The following MTSS1 variants were observed in gnomAD, a reference collection of about 807,000 sequenced individuals.
MTSS1 encodes protein MTSS 1.
In MTSS1, 18 loss-of-function variants were observed where a neutral mutation model predicts 79.0. That is an observed-to-expected ratio of 0.23 (90% confidence interval 0.16 to 0.34). MTSS1 has a LOEUF of 0.34. MTSS1 is among the 10% of genes least tolerant of loss of function. The pLI is 1.00. For missense variants in MTSS1, 815 were observed against 986.2 expected, an observed-to-expected ratio of 0.83 and a Z score of 2.33; for synonymous variants, 341 against 368.6, an observed-to-expected ratio of 0.93 and a Z score of 0.86.
At chr8:124,598,379 C>G (rs1422747154) in intron 3 of MTSS1, among the ~76,000 whole-genome samples, 1 of 152,214 alleles carries the variant, frequency 6.6e-6, no homozygotes, top group African/African-American at 2.4e-5. Context: ...CCTCTACCCA[C>G]TAGATGCCAG....
Position 124,555,659 on chromosome 8 carries a change from G to C in MTSS1, c.1567+83C>G, listed in dbSNP as rs895506024. On this transcript the variant is annotated intron_variant, in intron 13 of 13. Transcript: ENST00000518547. ...TGTTAGTTAGCGAGTGGTGGGTTGT[G>C]GTTAAAATGGACCAGCAGTTTTCTA... is the stretch of plus-strand genomic sequence containing the variant. 5.5e-5 allele frequency: 78 copies of C among 1,416,682 alleles called. 1 individual carries two copies. In the African/African-American group the frequency reaches 1.0e-3, roughly 19 times the overall value. 87.8% of individuals were successfully genotyped at this position (1,416,682 alleles called of 1,614,324 possible).
At chr8:124,701,220 G>A (rs769828945) in intron 2 of MTSS1, among the ~76,000 whole-genome samples, 1 of 152,102 alleles carries the variant, frequency 6.6e-6, no homozygotes, top group African/African-American at 2.4e-5. Flanking sequence ...CTAGGTGACA[G>A]AGCAATACCC....
intron 6 of MTSS1, among the ~76,000 whole-genome samples, chr8:124,572,517 G>A (rs905947842): frequency 1.3e-4 from 20 of 152,002 alleles, no homozygotes; most frequent in Admixed American, 1.2e-3. Context: ...CACTCCCATC[G>A]GCAGTGTTAG....
Position 124,557,787 on chromosome 8 carries a change from G to A in MTSS1, c.1124C>T (p.Ala375Val), listed in dbSNP as rs1271434375. ...GAGLFPHCLP[A>V]SRLLPRVTSV... ...GGTGACCCGAGGGAGCAGGCGGGAG[G>A]CAGGCAGGCAATGAGGGAAAAGGCC... The change falls in exon 11 of 14, where the codon GCC becomes GTC. Residue 375 changes from alanine (A) to valine (V), a missense_variant. Physicochemically the swap from Ala to Val is moderately conservative, Grantham distance 64 (BLOSUM62 0). This residue lies in a region of MTSS1 where 590 missense variants were observed against 620.8 expected (regional missense o/e 0.95). Transcript: ENST00000518547. The A allele has an allele frequency of 6.2e-7, 1 of 1,606,096 alleles. No individual in the cohort carries two copies. The highest frequency in any genetic ancestry group is 1.1e-5 in the South Asian group (1 of 89,274).
chr8:124,612,063 T>C (rs904451994), intron 3 of MTSS1, among the ~76,000 whole-genome samples: 3 of 151,638 alleles, frequency 2.0e-5, no homozygotes, highest in African/African-American at 7.3e-5. Context: ...ATAATCTTAA[T>C]GGTACTTAAT....
intron 3 of MTSS1, among the ~76,000 whole-genome samples, chr8:124,609,862 G>A (rs1016981234): frequency 5.9e-5 from 9 of 152,160 alleles, no homozygotes; most frequent in Non-Finnish European, 1.3e-4. Context: ...AGGTACTCCT[G>A]ACATTTTGGC....
rs1822404179 is a variant in MTSS1 at position 124,550,834 on chromosome 8, A to T, written c.*2158T>A. 6.6e-6 allele frequency: 1 copy of T among 152,656 alleles called. No homozygotes were observed. Among genetic ancestry groups the T allele is most frequent in the Non-Finnish European group, 1.5e-5 (1 of 68,040 alleles). 9.5% of individuals were successfully genotyped at this position (152,656 alleles called of 1,614,324 possible). Reference sequence around the variant, plus strand: ...TATAACGTAGGCTGAAGCAATTGTTACAATGTAGGAGGGAGACACATTACA... The same window carrying T: ...TATAACGTAGGCTGAAGCAATTGTTTCAATGTAGGAGGGAGACACATTACA... On this transcript the variant is annotated 3_prime_UTR_variant, in exon 14 of 14. Coordinates refer to ENST00000518547, the MANE Select transcript of MTSS1 (RefSeq NM_014751.6).
intron 3 of MTSS1, among the ~76,000 whole-genome samples, chr8:124,615,239 TG>T (rs1017609902): frequency 6.6e-5 from 10 of 151,992 alleles, no homozygotes; most frequent in Non-Finnish European, 1.2e-4. Context: ...AAAGCCATGC[TG>T]GGGGGTAGGC....
intron 3 of MTSS1, among the ~76,000 whole-genome samples, chr8:124,623,283 T>C (rs1008347513): frequency 6.6e-6 from 1 of 152,266 alleles, no homozygotes; most frequent in African/African-American, 2.4e-5. Context: ...TGTGCTCATA[T>C]GTCTATAGTG....
chr8:124,653,067 C>A (rs1424110528), intron 3 of MTSS1, among the ~76,000 whole-genome samples: 1 of 152,238 alleles, frequency 6.6e-6, no homozygotes, highest in African/African-American at 2.4e-5. Flanking sequence ...AACATATTCA[C>A]TTCCGTGGCC....
chr8:124,596,267 C>T (rs147420275), intron 3 of MTSS1, among the ~76,000 whole-genome samples: 1 of 152,344 alleles, frequency 6.6e-6, no homozygotes, highest in Non-Finnish European at 1.5e-5. Context: ...TCTCATGCTT[C>T]TTCCCAGAAC....
At chr8:124,567,421 G>C (rs1826741383) in intron 7 of MTSS1, among the ~76,000 whole-genome samples, 2 of 152,232 alleles carry the variant, frequency 1.3e-5, no homozygotes, top group Non-Finnish European at 2.9e-5. Context: ...GAACACACAG[G>C]CCTCCCTCCC....
chr8:124,714,463 T>G (rs915764820), intron 1 of MTSS1, among the ~76,000 whole-genome samples: 2 of 152,030 alleles, frequency 1.3e-5, no homozygotes, highest in African/African-American at 4.8e-5. Flanking sequence ...CAGTTGTTTT[T>G]GTTTTTGTTT....
chr8:124,630,486 C>A (rs1007882676), intron 3 of MTSS1, among the ~76,000 whole-genome samples: 2 of 152,228 alleles, frequency 1.3e-5, no homozygotes, highest in Non-Finnish European at 2.9e-5. Flanking sequence ...GGGCCAGCAG[C>A]AAGATCATGG....
chr8:124,553,639 CCTG>C lies in MTSS1; in HGVS notation c.1618_1620del (p.Gln540del), dbSNP rs1269918732. 6.2e-7 allele frequency: 1 copy of C among 1,614,140 alleles called. No homozygotes were observed. The highest frequency in any genetic ancestry group is 8.5e-7 in the Non-Finnish European group (1 of 1,180,010). On this transcript the variant is annotated inframe_deletion, in exon 14 of 14. Coordinates refer to ENST00000518547, the MANE Select transcript of MTSS1 (RefSeq NM_014751.6). The surrounding 1 kb of genome is among the most constrained non-coding windows in gnomAD (Gnocchi z 6.0). ...GGAATGGTGGAGGACTTGTCGAACT[CCTG>C]CTGATCTGCCTCCTGGTCACCACTT...
At chr8:124,656,787 A>G (rs990694198) in intron 3 of MTSS1, among the ~76,000 whole-genome samples, 7 of 150,778 alleles carry the variant, frequency 4.6e-5, no homozygotes, top group Non-Finnish European at 1.5e-5. Context: ...ATCTCAAAAA[A>G]AAAAAAAAAA....
At chr8:124,610,953 T>C (rs1481448422) in intron 3 of MTSS1, among the ~76,000 whole-genome samples, 4 of 152,244 alleles carry the variant, frequency 2.6e-5, no homozygotes, top group Non-Finnish European at 5.9e-5. Context: ...GTCACTGTTA[T>C]GCTACATGGA....
rs781708481 is a variant in MTSS1 at position 124,597,437 on chromosome 8, TG to T, written c.209-6203del. ...GAATACAAATTGTTTAATGCATATT[TG>T]GGGGGGTAGGGAGGAAATAAGAAAA... On this transcript the variant is annotated intron_variant, in intron 3 of 13. Transcript: ENST00000518547. This position sits in a 1 kb window ranked among gnomAD's most constrained non-coding sequence, Gnocchi z 4.6. Among the ~76,000 whole-genome samples, 7 of 152,120 alleles carry T rather than the reference TG, an allele frequency of 4.6e-5. No individual in the cohort carries two copies. Among genetic ancestry groups the T allele is most frequent in the African/African-American group, 1.2e-4 (5 of 41,420 alleles).
At chr8:124,605,963 ATTTT>A (rs35985246) in intron 3 of MTSS1, among the ~76,000 whole-genome samples, 4,544 of 106,006 alleles carry the variant, frequency 0.043, 72 homozygotes, top group African/African-American at 0.085. Context: ...TAGGTATCTC[ATTTT>A]TTTTTTTTTT....
Sources: allele counts gnomAD v4.1 joint callset (sites outside exome capture counted in the v4.1 genomes callset), GRCh38; gene constraint gnomAD v4.1.1; regional missense constraint gnomAD v4.1.1; non-coding constraint Gnocchi (gnomAD v3.1); transcripts MANE v1.5; gene names NCBI Gene and HGNC (gene_info 2026-07-23, HGNC 2026-07-21).